The following GRIK2 variants were observed in gnomAD, a reference collection of about 807,000 sequenced individuals.
GRIK2 encodes the protein glutamate receptor ionotropic, kainate 2.
Under a neutral mutation model 100.3 loss-of-function variants are expected in GRIK2, and 32 were observed. That is an observed-to-expected ratio of 0.32 (90% CI 0.24 to 0.43). The LOEUF is 0.43. GRIK2 is among the 20% of genes least tolerant of loss of function. GRIK2 has a pLI of 1.00. For missense variants in GRIK2, 843 were observed against 1,114.9 expected (o/e 0.76, Z 3.47); for synonymous variants, 417 against 389.4 (o/e 1.07, Z -0.83).
At chr6:101,596,624 T>A (rs9377283) in intron 2 of GRIK2, among the ~76,000 whole-genome samples, 41,854 of 151,326 alleles carry the variant, frequency 0.28, 6,180 homozygotes, top group African/African-American at 0.37. Context: ...TAGATTAGAG[T>A]TAATTAGTAG....
chr6:102,038,549 A>C (rs1402367578), intron 15 of GRIK2, among the ~76,000 whole-genome samples: 2 of 151,364 alleles, frequency 1.3e-5, no homozygotes, highest in Non-Finnish European at 3.0e-5. Flanking sequence ...GGAAATTAGC[A>C]TTTGCCTTTT....
chr6:101,799,704 G>C lies in GRIK2; in HGVS notation c.1008G>C (p.Gln336His), dbSNP rs370227684. 11 of 1,612,924 alleles carry C rather than the reference G, an allele frequency of 6.8e-6. No individual in the cohort carries two copies. The highest frequency in any genetic ancestry group is 8.5e-6 in the Non-Finnish European group (10 of 1,179,060). ...ATGTGGTGTCTGTGGCCGTTCAACA[G>C]TTTCCCCAGATGACAGTCAGTTCCT... ...AVHVVSVAVQQFPQMTVSSLQ... is the reference protein window; with the variant it reads ...AVHVVSVAVQHFPQMTVSSLQ... The change falls in exon 8 of 17, where the codon CAG becomes CAC. Residue 336 changes from glutamine to histidine, a missense_variant. Physicochemically the swap from Gln to His is conservative, Grantham distance 24. Around this residue, in one of 3 missense-constraint regions of GRIK2, gnomAD observed 519 missense variants for 643.8 expected, o/e 0.81. Transcript: ENST00000369134.
chr6:101,612,779 C>G (rs922381653), intron 2 of GRIK2, among the ~76,000 whole-genome samples: 5 of 150,120 alleles, frequency 3.3e-5, no homozygotes, highest in African/African-American at 1.2e-4. Context: ...TAAGAAGAAG[C>G]TGGGCTCCTG....
At chr6:101,567,045 G>A (rs619915) in intron 2 of GRIK2, among the ~76,000 whole-genome samples, 1 of 151,056 alleles carries the variant, frequency 6.6e-6, no homozygotes, top group African/African-American at 2.4e-5. Context: ...ATTACAGAGC[G>A]AGGAAGCTAG....
chr6:101,407,434 C>CA (rs1562115745), intron 2 of GRIK2, among the ~76,000 whole-genome samples: 1 of 152,042 alleles, frequency 6.6e-6, no homozygotes, highest in Admixed American at 6.6e-5. Flanking sequence ...TGCCAAAATT[C>CA]AAAAAACTGA....
intron 11 of GRIK2, chr6:101,860,937 G>C (rs1784699489): frequency 1.1e-6 from 1 of 926,476 alleles, no homozygotes; most frequent in African/African-American, 1.8e-5. Flanking sequence ...GTTAGTCCTT[G>C]AAAAAAGACC....
chr6:101,897,104 A>G (rs1377327190), intron 12 of GRIK2, among the ~76,000 whole-genome samples: 1 of 151,652 alleles, frequency 6.6e-6, no homozygotes, highest in African/African-American at 2.4e-5. Flanking sequence ...GATTTGGACA[A>G]TGGAGTGTAG....
In GRIK2 at chr6:101,781,009, G is replaced by C. The variant is rs934481552; in HGVS notation, c.952-18639G>C. On this transcript the variant is annotated intron_variant, in intron 7 of 16. Coordinates refer to ENST00000369134, the MANE Select transcript of GRIK2 (RefSeq NM_021956.5). ...TATTTTGTCCTCTGAACTAATGTTT[G>C]CATCCTGCTCAGTTCAGGATTTGTT... 8.5e-5 allele frequency among the ~76,000 whole-genome samples: 13 copies of C among 152,132 alleles called. No individual in the cohort carries two copies. In the East Asian group the frequency reaches 9.6e-4, roughly 11 times the overall value.
At chr6:101,833,170 T>C (rs1782812428) in intron 10 of GRIK2, among the ~76,000 whole-genome samples, 1 of 132,176 alleles carries the variant, frequency 7.6e-6, no homozygotes, top group African/African-American at 3.6e-5. Flanking sequence ...TCATTAATTA[T>C]ATGCCCTTTG....
chr6:101,956,479 G>A (rs369133103), intron 14 of GRIK2, among the ~76,000 whole-genome samples: 2 of 151,774 alleles, frequency 1.3e-5, no homozygotes, highest in Non-Finnish European at 2.9e-5. Context: ...TGTGCTCATC[G>A]CCCCAATAGT....
intron 10 of GRIK2, among the ~76,000 whole-genome samples, chr6:101,838,654 CT>C (rs3055065): frequency 1.1e-3 from 151 of 143,722 alleles, no homozygotes; most frequent in Non-Finnish European, 1.1e-3. Context: ...ATTAATACAA[CT>C]TTTTTTTTTT....
chr6:102,014,371 A>AT (rs957563647), intron 14 of GRIK2, among the ~76,000 whole-genome samples: 11 of 149,098 alleles, frequency 7.4e-5, no homozygotes, highest in Non-Finnish European at 1.0e-4. Context: ...CTATGTATTA[A>AT]TTTTTTTTTC....
At chr6:101,755,161 G>GTTTTTTTTTTTTTTTTTT (rs1157640683) in intron 7 of GRIK2, among the ~76,000 whole-genome samples, 5 of 102,958 alleles carry the variant, frequency 4.9e-5, no homozygotes, top group Non-Finnish European at 5.5e-5. Context: ...TTTCTTTTTG[G>GTTTTTTTTTTTTTTTTTT]TTTTTTTTTT....
At chr6:101,731,898 A>G (rs1226464984) in intron 7 of GRIK2, among the ~76,000 whole-genome samples, 1 of 152,066 alleles carries the variant, frequency 6.6e-6, no homozygotes, top group Non-Finnish European at 1.5e-5. Flanking sequence ...CAAGAGTGCT[A>G]TAAATAATAC....
chr6:102,032,340 C>A, intron 14 of GRIK2, among the ~76,000 whole-genome samples: 1 of 151,194 alleles, frequency 6.6e-6, no homozygotes, highest in East Asian at 2.0e-4. Flanking sequence ...AAAGAATTTA[C>A]AATTACAAGA....
chr6:101,876,672 T>G (rs1032229749), intron 11 of GRIK2, among the ~76,000 whole-genome samples: 1 of 151,866 alleles, frequency 6.6e-6, no homozygotes, highest in Non-Finnish European at 1.5e-5. Flanking sequence ...GTGAGACCCT[T>G]TGTTAAAATA....
At chr6:101,948,676 C>T (rs997277285) in intron 14 of GRIK2, among the ~76,000 whole-genome samples, 4 of 151,824 alleles carry the variant, frequency 2.6e-5, no homozygotes, top group East Asian at 1.9e-4. Context: ...GGTCCCACTA[C>T]GTTGCCCAGA....
chr6:101,540,940 TAAGTAGTGCAAGC>T (rs1775953390), intron 2 of GRIK2, among the ~76,000 whole-genome samples: 2 of 151,928 alleles, frequency 1.3e-5, no homozygotes, highest in African/African-American at 4.8e-5. Flanking sequence ...AAGACCAATT[TAAGTAGTGCAAGC>T]AAGAATAATA....
chr6:101,728,747 T>A (rs1775050653), intron 7 of GRIK2, among the ~76,000 whole-genome samples: 1 of 152,092 alleles, frequency 6.6e-6, no homozygotes, highest in South Asian at 2.1e-4. Context: ...AGTGTAATTC[T>A]GTTGATATTT....
Sources: gnomAD v4.1 joint callset for allele counts (sites outside exome capture counted in the v4.1 genomes callset) on GRCh38, gnomAD v4.1.1 for gene constraint, gnomAD v4.1.1 regional missense constraint, MANE v1.5 for transcripts, NCBI Gene and HGNC (gene_info 2026-07-23, HGNC 2026-07-21) for gene names.